Variants in RBFOX3 observed in about 807,000 individuals in gnomAD.
The protein encoded by RBFOX3 is RNA binding fox-1 homolog 3, also known as RNA binding protein fox-1 homolog 3.
RBFOX3 carries 17 observed loss-of-function variants against 48.7 expected under a neutral mutation model. The ratio of observed to expected loss-of-function variants is 0.35; its 90% confidence interval spans 0.24 to 0.52. The LOEUF (loss-of-function observed/expected upper bound fraction) is 0.52. RBFOX3 is among the 20% of genes least tolerant of loss of function. The pLI is 0.94. For missense variants in RBFOX3, 382 were observed against 497.5 expected, an observed-to-expected ratio of 0.77 and a Z score of 2.21; for synonymous variants, 212 against 209.5, an observed-to-expected ratio of 1.01 and a Z score of -0.10.
intron 1 of RBFOX3, among the ~76,000 whole-genome samples, chr17:79,562,328 C>A (rs1373796218): frequency 2.0e-5 from 3 of 152,178 alleles, no homozygotes; most frequent in Non-Finnish European, 4.4e-5. Flanking sequence ...TGGCTCTCTC[C>A]GCCGTCCATC....
rs1186445688 is a variant in RBFOX3 at position 79,195,804 on chromosome 17, G to A, written c.-34+39962C>T. On this transcript the variant is annotated intron_variant, in intron 4 of 14. Coordinates refer to ENST00000693108, the MANE Select transcript of RBFOX3 (RefSeq NM_001350451.2). This position sits in a 1 kb window ranked among gnomAD's most constrained non-coding sequence, Gnocchi z 5.3. ...TTCTGCTTCCTAACCTGTGACCTGT[G>A]CTAGGAGAAAGTGTCCTAGTGGCCA... Among the ~76,000 whole-genome samples, 1 of 152,224 alleles carries A rather than the reference G, an allele frequency of 6.6e-6. No individual in the cohort carries two copies. The highest frequency in any genetic ancestry group is 1.5e-5 in the Non-Finnish European group (1 of 68,034).
chr17:79,357,511 G>A (rs1236754593), intron 2 of RBFOX3, among the ~76,000 whole-genome samples: 2 of 152,052 alleles, frequency 1.3e-5, no homozygotes, highest in African/African-American at 4.8e-5. Flanking sequence ...CACGCCTGTA[G>A]TCCCAGCTAC....
intron 4 of RBFOX3, among the ~76,000 whole-genome samples, chr17:79,121,219 T>G (rs2035657341): frequency 6.6e-6 from 1 of 152,100 alleles, no homozygotes; most frequent in Non-Finnish European, 1.5e-5. Context: ...CCACGTCACC[T>G]GTACACTAGA....
At chr17:79,560,382 A>G (rs1283745809) in intron 1 of RBFOX3, among the ~76,000 whole-genome samples, 3 of 152,302 alleles carry the variant, frequency 2.0e-5, no homozygotes, top group Non-Finnish European at 4.4e-5. Flanking sequence ...CTGCAAATGA[A>G]GTGCCCTCCC....
rs910087631 is a variant in RBFOX3, at chr17:79,212,380, T to C, written c.-34+23386A>G. ...CCGCACTTGCTCCAGCCTCTCTGGC[T>C]GCTCCTTCCTTCCCTCCTGCAGCCG... is the stretch of plus-strand genomic sequence containing the variant. On this transcript the variant is annotated intron_variant, in intron 4 of 14. Coordinates refer to ENST00000693108, the MANE Select transcript of RBFOX3 (RefSeq NM_001350451.2). The surrounding 1 kb of genome is among the most constrained non-coding windows in gnomAD (Gnocchi z 4.7). 6.6e-6 allele frequency among the ~76,000 whole-genome samples: 1 copy of C among 152,164 alleles called. No homozygotes were observed. Among genetic ancestry groups the C allele is most frequent in the Non-Finnish European group, 1.5e-5 (1 of 68,000 alleles).
At chr17:79,301,583 T>C (rs2075323042) in intron 3 of RBFOX3, among the ~76,000 whole-genome samples, 1 of 152,242 alleles carries the variant, frequency 6.6e-6, no homozygotes, top group Non-Finnish European at 1.5e-5. Context: ...AGCACCTCGC[T>C]GGAAAGTGAG....
intron 2 of RBFOX3, among the ~76,000 whole-genome samples, chr17:79,335,213 G>A (rs2081006067): frequency 6.6e-6 from 1 of 152,222 alleles, no homozygotes; most frequent in African/African-American, 2.4e-5. Context: ...CCAGCACACA[G>A]CAGGTGGCCA....
chr17:79,181,906 G>A (rs1468389563), intron 4 of RBFOX3, among the ~76,000 whole-genome samples: 1 of 151,946 alleles, frequency 6.6e-6, no homozygotes, highest in African/African-American at 2.4e-5. Context: ...GCACAAACGG[G>A]TAAGAACCCA....
At chr17:79,532,731 C>T (rs1599062756) in intron 1 of RBFOX3, among the ~76,000 whole-genome samples, 2 of 152,240 alleles carry the variant, frequency 1.3e-5, no homozygotes, top group Non-Finnish European at 1.5e-5. Context: ...GCTGCCCTCA[C>T]ATCGCCAGCA....
intron 4 of RBFOX3, among the ~76,000 whole-genome samples, chr17:79,145,171 A>G (rs1298721506): frequency 6.6e-6 from 1 of 152,172 alleles, no homozygotes; most frequent in Non-Finnish European, 1.5e-5. Context: ...GTTTGGGCAC[A>G]GATTCTGTCC....
At position 79,350,561 on chromosome 17, in the gene RBFOX3, C is replaced by T. The variant is rs1320226058; in HGVS notation, c.-174-42737G>A. 2.0e-5 allele frequency among the ~76,000 whole-genome samples: 3 copies of T among 152,196 alleles called. No individual in the cohort carries two copies. The East Asian group carries it at 5.8e-4, about 29-fold the overall frequency. On this transcript the variant is annotated intron_variant, in intron 2 of 14. Coordinates refer to ENST00000693108, the MANE Select transcript of RBFOX3 (RefSeq NM_001350451.2). ...TCTACATCCCAGAAACTCCTTAGTC[C>T]TGGGCAAGTCCAGCCATGCTGGCCC...
intron 2 of RBFOX3, among the ~76,000 whole-genome samples, chr17:79,323,669 G>T (rs2078882012): frequency 6.6e-6 from 1 of 152,142 alleles, no homozygotes; most frequent in Non-Finnish European, 1.5e-5. Context: ...GTTTGATGCT[G>T]CCAGGATTAC....
chr17:79,346,908 T>C (rs2083018128), intron 2 of RBFOX3, among the ~76,000 whole-genome samples: 1 of 152,268 alleles, frequency 6.6e-6, no homozygotes, highest in African/African-American at 2.4e-5. Context: ...GTTAAACTTA[T>C]GCCAGATAAC....
intron 4 of RBFOX3, among the ~76,000 whole-genome samples, chr17:79,177,454 C>A (rs922846411): frequency 6.6e-6 from 1 of 152,210 alleles, no homozygotes; most frequent in Admixed American, 6.5e-5. Context: ...GAGGCACATT[C>A]ATTGCATGGC....
intron 4 of RBFOX3, among the ~76,000 whole-genome samples, chr17:79,143,375 G>T (rs1318722601): frequency 7.7e-6 from 1 of 130,188 alleles, no homozygotes; most frequent in African/African-American, 2.8e-5. Context: ...TGGTGGAGCG[G>T]GGGGTGGGGG....
chr17:79,249,792 T>A lies in RBFOX3; in HGVS notation c.-73-13987A>T, dbSNP rs1033781053. Among the ~76,000 whole-genome samples, 1 of 152,196 alleles carries A rather than the reference T, an allele frequency of 6.6e-6. No homozygotes were observed. The highest frequency in any genetic ancestry group is 2.4e-5 in the African/African-American group (1 of 41,432). ...CTGGTACCTCCCTGTGTGTCCCTGA[T>A]GCCGAGTTCCCTGTCTCTAGGGATC... On this transcript the variant is annotated intron_variant, in intron 3 of 14. Transcript: ENST00000693108. This position sits in a 1 kb window ranked among gnomAD's most constrained non-coding sequence, Gnocchi z 4.1.
chr17:79,605,789 C>T lies in RBFOX3; in HGVS notation c.-320+5037G>A, dbSNP rs1003832401. ...GGCTCTTGGTCCTAAGAGGAAACCA[C>T]GGAGGCTGAGGACCCCCAACTCAAG... On this transcript the variant is annotated intron_variant, in intron 1 of 14. Transcript: ENST00000693108. Among the ~76,000 whole-genome samples, 285 of 152,324 alleles carry T rather than the reference C, an allele frequency of 1.9e-3. 2 individuals carry two copies. The highest frequency in any genetic ancestry group is 3.1e-3 in the South Asian group (15 of 4,818).
chr17:79,337,255 CA>C (rs111556977), intron 2 of RBFOX3, among the ~76,000 whole-genome samples: 5 of 149,514 alleles, frequency 3.3e-5, no homozygotes, highest in Middle Eastern at 3.4e-3. Flanking sequence ...GCTTACCTGA[CA>C]AAAAAAAAAT....
chr17:79,579,285 C>T (rs941221442), intron 1 of RBFOX3, among the ~76,000 whole-genome samples: 6 of 135,468 alleles, frequency 4.4e-5, no homozygotes, highest in Admixed American at 1.6e-4. Flanking sequence ...GCTCTGCTGC[C>T]GGGTGCTGGC....
Sources: gnomAD v4.1 joint callset for allele counts (sites outside exome capture counted in the v4.1 genomes callset) on GRCh38, gnomAD v4.1.1 for gene constraint, Gnocchi (gnomAD v3.1) non-coding constraint, MANE v1.5 for transcripts, NCBI Gene and HGNC (gene_info 2026-07-23, HGNC 2026-07-21) for gene names.